The following RYR2 variants were observed in gnomAD, a reference collection of about 807,000 sequenced individuals.
The protein encoded by RYR2 is cardiac muscle ryanodine receptor-calcium release channel.
In RYR2, 227 loss-of-function variants were observed where a neutral mutation model predicts 601.1. The ratio of observed to expected loss-of-function variants is 0.38; its 90% CI spans 0.34 to 0.42. RYR2 has a LOEUF of 0.42. RYR2 is among the 10% of genes least tolerant of loss of function. RYR2 has a pLI of 1.00. For missense variants in RYR2, 4,646 were observed against 6,156.5 expected (o/e 0.75, Z 8.21); for synonymous variants, 2,223 against 2,175.1 (o/e 1.02, Z -0.61).
rs562404002 is a variant in RYR2, at chr1:237,568,434, G to A, written c.3424-711G>A. ...GAATCAACGGAATATACTTGTAGATGCAAAAGTCACGTTTATCAAAACTAT... is the reference window on the plus strand; with the variant it reads ...GAATCAACGGAATATACTTGTAGATACAAAAGTCACGTTTATCAAAACTAT... On this transcript the variant is annotated intron_variant, in intron 28 of 104. Coordinates refer to ENST00000366574, the MANE Select transcript of RYR2 (RefSeq NM_001035.3). Among the ~76,000 whole-genome samples, 73 of 152,250 alleles carry A rather than the reference G, an allele frequency of 4.8e-4. 1 individual carries two copies. The highest frequency in any genetic ancestry group is 1.6e-3 in the African/African-American group (68 of 41,548).
chr1:237,279,595 T>A (rs1665289047), intron 2 of RYR2, among the ~76,000 whole-genome samples: 1 of 152,142 alleles, frequency 6.6e-6, no homozygotes, highest in Non-Finnish European at 1.5e-5. Context: ...GAGCAAAAAG[T>A]TTTGCAAAAC....
chr1:237,203,272 A>G (rs1225208806), intron 1 of RYR2, among the ~76,000 whole-genome samples: 1 of 152,216 alleles, frequency 6.6e-6, no homozygotes, highest in Non-Finnish European at 1.5e-5. Context: ...CAGGTAGGTT[A>G]CTTAGAATAG....
intron 35 of RYR2, among the ~76,000 whole-genome samples, chr1:237,608,357 T>A (rs1206792630): frequency 6.6e-6 from 1 of 152,158 alleles, no homozygotes; most frequent in Non-Finnish European, 1.5e-5. Flanking sequence ...AATTCCTGGC[T>A]TTTGTTAATG....
intron 1 of RYR2, among the ~76,000 whole-genome samples, chr1:237,193,438 C>T (rs567594029): frequency 2.0e-4 from 31 of 152,244 alleles, no homozygotes; most frequent in African/African-American, 7.2e-4. Context: ...CCAGCCTGGG[C>T]AACAGAGTGG....
intron 73 of RYR2, among the ~76,000 whole-genome samples, chr1:237,721,885 C>T (rs531974232): frequency 7.9e-5 from 12 of 152,268 alleles, no homozygotes; most frequent in Non-Finnish European, 1.8e-4. Context: ...GTTCTACCCC[C>T]ATTAAATTGC....
At chr1:237,671,544 TGAGA>T (rs140139821) in intron 58 of RYR2, among the ~76,000 whole-genome samples, 1 of 151,250 alleles carries the variant, frequency 6.6e-6, no homozygotes. Flanking sequence ...TGTGTGCGTG[TGAGA>T]GAGAGAGAAA....
intron 1 of RYR2, chr1:237,267,621 A>G: frequency 3.0e-6 from 1 of 329,664 alleles, no homozygotes. Context: ...ATCCTCATCT[A>G]ACAAGCTCTC....
intron 1 of RYR2, among the ~76,000 whole-genome samples, chr1:237,048,950 A>T (rs1218746720): frequency 1.3e-5 from 2 of 152,196 alleles, no homozygotes; most frequent in Non-Finnish European, 2.9e-5. Context: ...GTAGGCAAAG[A>T]TAGTGGGGGT....
intron 79 of RYR2, among the ~76,000 whole-genome samples, chr1:237,737,009 C>T (rs1409426762): frequency 6.6e-6 from 1 of 150,990 alleles, no homozygotes; most frequent in East Asian, 1.9e-4. Flanking sequence ...GATTGTAGAG[C>T]AGCCCCCAGC....
intron 1 of RYR2, among the ~76,000 whole-genome samples, chr1:237,094,974 A>G (rs1433578745): frequency 1.3e-5 from 2 of 152,190 alleles, no homozygotes; most frequent in Non-Finnish European, 2.9e-5. Flanking sequence ...TGCTAAACAT[A>G]GTGTGTGATT....
At chr1:237,594,886 GTTTTTTTTTTTTTTTTTTTTTTT>G (rs776702428) in intron 33 of RYR2, among the ~76,000 whole-genome samples, 15 of 60,418 alleles carry the variant, frequency 2.5e-4, no homozygotes, top group African/African-American at 7.6e-4. Flanking sequence ...ATATCACTGG[GTTTTTTTTTTTTTTTTTTTTTTT>G]TTTTTTTTTT....
chr1:237,354,528 A>C (rs1289170417), intron 3 of RYR2, among the ~76,000 whole-genome samples: 1 of 152,138 alleles, frequency 6.6e-6, no homozygotes, highest in African/African-American at 2.4e-5. Flanking sequence ...GAAGTCATTT[A>C]ATTTTTTTAG....
rs546769121 is a variant in RYR2, at chr1:237,108,466, C to G, written c.48+65897C>G. 2.6e-5 allele frequency among the ~76,000 whole-genome samples: 4 copies of G among 152,320 alleles called. No homozygotes were observed. In the East Asian group the frequency reaches 7.7e-4, roughly 29 times the overall value. On this transcript the variant is annotated intron_variant, in intron 1 of 104. Coordinates refer to ENST00000366574, the MANE Select transcript of RYR2 (RefSeq NM_001035.3). ...GAATGAGGCTGATGTACCGCAGAGG[C>G]CTCCCTGGGAGCAGGGCCGCTGGAG...
At chr1:237,448,190 G>T (rs1462937107) in intron 14 of RYR2, among the ~76,000 whole-genome samples, 1 of 152,122 alleles carries the variant, frequency 6.6e-6, no homozygotes, top group Non-Finnish European at 1.5e-5. Flanking sequence ...GCCTCACAGA[G>T]TGCTGGGATT....
Position 237,515,963 on chromosome 1 carries a change from C to A in RYR2, c.2822+4172C>A, listed in dbSNP as rs961167790. The stretch of plus-strand genomic sequence containing the variant: ...CTCTTCTCCTTGCTCTTCTCCTTCT[C>A]GCTCTTCTCCTTCTTCTCCTCCCTC... On this transcript the variant is annotated intron_variant, in intron 24 of 104. Transcript: ENST00000366574. Among the ~76,000 whole-genome samples the A allele has an allele frequency of 2.1e-5, 3 of 141,492 alleles. No homozygotes were observed. In the Admixed American group the frequency reaches 2.1e-4, roughly 10 times the overall value. The allele number at this position is 141,492 out of a possible 152,430, so 92.8% of individuals were successfully genotyped here.
Position 237,700,434 on chromosome 1 carries a change from A to G in RYR2, c.9334A>G (p.Ile3112Val). ...LPMLSSLFEH[I>V]GQHQFGEDLI... ...AATGCTGTCTTCATTATTTGAACAT[A>G]TTGGCCAGCATCAGTTCGGAGAAGA... The change falls in exon 65 of 105, where the codon ATT (isoleucine) becomes GTT (valine). Residue 3112 changes from isoleucine (I) to valine (V), a missense_variant. Ile to Val is a conservative substitution (Grantham distance 29). Transcript: ENST00000366574. 3 of 1,600,176 alleles carry G rather than the reference A, an allele frequency of 1.9e-6. No homozygotes were observed. Among genetic ancestry groups the G allele is most frequent in the Non-Finnish European group, 2.6e-6 (3 of 1,169,518 alleles).
In RYR2 at chr1:237,577,696, A is replaced by T. The variant is rs550146094; in HGVS notation, c.3598+8377A>T. On this transcript the variant is annotated intron_variant, in intron 29 of 104. Transcript: ENST00000366574. The stretch of plus-strand genomic sequence containing the variant: ...CCTGTTGAGCAATAGGTTGGTAGAT[A>T]CTTAAGAGTATTTTTAAAAGAACCA... Among the ~76,000 whole-genome samples, 3 of 135,916 alleles carry T rather than the reference A, an allele frequency of 2.2e-5. No homozygotes were observed. The East Asian group carries it at 9.7e-4, about 44-fold the overall frequency. 89.2% of individuals were successfully genotyped at this position (135,916 alleles called of 152,430 possible). A position where few individuals can be genotyped will look rare whatever the true frequency, so the allele number is the denominator to read the frequency against.
At chr1:237,310,242 A>G (rs758170008) in intron 2 of RYR2, among the ~76,000 whole-genome samples, 2 of 152,184 alleles carry the variant, frequency 1.3e-5, no homozygotes, top group Non-Finnish European at 2.9e-5. Flanking sequence ...TAGGTATTAT[A>G]CTAATGGTAT....
chr1:237,057,406 C>T (rs548617905), intron 1 of RYR2, among the ~76,000 whole-genome samples: 43 of 152,166 alleles, frequency 2.8e-4, no homozygotes, highest in Admixed American at 4.6e-4. Flanking sequence ...AGGATGGTCT[C>T]GATCTCCTGA....
Sources: gnomAD v4.1 joint callset for allele counts (sites outside exome capture counted in the v4.1 genomes callset) on GRCh38, gnomAD v4.1.1 for gene constraint, MANE v1.5 for transcripts, NCBI Gene and HGNC (gene_info 2026-07-23, HGNC 2026-07-21) for gene names.